Variants in DYRK1A observed in about 807,000 individuals in gnomAD.
The protein encoded by DYRK1A is dual specificity tyrosine phosphorylation regulated kinase 1A.
Under a neutral mutation model 79.7 loss-of-function variants are expected in DYRK1A, and 9 were observed. The ratio of observed to expected loss-of-function variants is 0.11; its 90% CI spans 0.07 to 0.20. The LOEUF (loss-of-function observed/expected upper bound fraction) is 0.20. Ranked by LOEUF, DYRK1A falls within the 10% of genes least tolerant of loss-of-function variation. The pLI, the probability that DYRK1A is intolerant of heterozygous loss-of-function variation, is 1.00. For synonymous variants in DYRK1A, 349 were observed against 329.7 expected (o/e 1.06, Z -0.63); for missense variants, 622 against 956.0 (o/e 0.65, Z 4.61).
chr21:37,367,921 G>A (rs891733935), intron 1 of DYRK1A: 15 of 156,328 alleles, frequency 9.6e-5, no homozygotes, highest in Non-Finnish European at 1.8e-4. Context: ...CTGGCCGCCC[G>A]AGCGAAGGGG....
rs907497365 is a variant in DYRK1A at position 37,521,357 on chromosome 21, T to G, written c.*8826T>G. The G allele has an allele frequency of 3.4e-4, 51 of 152,234 alleles. No individual in the cohort carries two copies. Among genetic ancestry groups the G allele is most frequent in the Non-Finnish European group, 2.9e-5 (2 of 68,052 alleles). The allele number at this position is 152,234 out of a possible 1,614,324, so 9.4% of individuals were successfully genotyped here. A position where few individuals can be genotyped will look rare whatever the true frequency, so the allele number is the denominator to read the frequency against. Reference sequence around the variant, plus strand: ...ATCAGTACTAACCCTGGAAACAATTTAAAAATGAACAAAAAGTCCTACCCT... The same window carrying G: ...ATCAGTACTAACCCTGGAAACAATTGAAAAATGAACAAAAAGTCCTACCCT... On this transcript the variant is annotated 3_prime_UTR_variant, in exon 12 of 12. Transcript: ENST00000647188.
At chr21:37,478,497 AT>A (rs2052483712) in intron 4 of DYRK1A, among the ~76,000 whole-genome samples, 197 bp downstream of exon 4, 1 of 152,142 alleles carries the variant, frequency 6.6e-6, no homozygotes. Flanking sequence ...TATAAAGATA[AT>A]TGTGGATAAC....
Position 37,512,056 on chromosome 21 carries a change from C to T in DYRK1A, c.1790C>T (p.Ser597Phe). 6.2e-7 allele frequency: 1 copy of T among 1,613,922 alleles called. No homozygotes were observed. The change falls in exon 12 of 12, where the codon TCC becomes TTC. Residue 597 changes from serine to phenylalanine, a missense_variant. By Grantham distance (155) the Ser-to-Phe change is radical. Around this residue, in one of 5 missense-constraint regions of DYRK1A, gnomAD observed 292 missense variants for 316.7 expected, o/e 0.92. Transcript: ENST00000647188. ...TTGCATCATCACCATGGTAACAGTT[C>T]CCATCACCATCACCACCACCACCAC... is the stretch of plus-strand genomic sequence containing the variant. The part of the protein sequence containing the change: ...NALHHHHGNS[S>F]HHHHHHHHHH...
In DYRK1A at chr21:37,493,121, T is replaced by G. The variant is rs1601280401; in HGVS notation, c.1029T>G (p.Val343=). The G allele has an allele frequency of 1.2e-6, 2 of 1,613,668 alleles. No homozygotes were observed. Among genetic ancestry groups the G allele is most frequent in the Non-Finnish European group, 1.7e-6 (2 of 1,179,624 alleles). Residue 343 remains valine, a synonymous_variant, in exon 8 of 12, where the codon GTT becomes GTG. Coordinates refer to ENST00000647188, the MANE Select transcript of DYRK1A (RefSeq NM_001347721.2). ...TGTGGTCCCTCGGGTGTATTTTGGT[T>G]GAAATGCACACTGGAGAACCTCTGT... ...IDMWSLGCIL[V]EMHTGEPLFS...
At chr21:37,482,585 A>G (rs186975093) in intron 5 of DYRK1A, among the ~76,000 whole-genome samples, 3 of 152,324 alleles carry the variant, frequency 2.0e-5, no homozygotes, top group African/African-American at 4.8e-5. Context: ...AAAATTGCTA[A>G]TGAAGTTTTG....
chr21:37,484,535 G>A (rs1284364584), intron 5 of DYRK1A, among the ~76,000 whole-genome samples: 1 of 152,008 alleles, frequency 6.6e-6, no homozygotes, highest in African/African-American at 2.4e-5. Flanking sequence ...CACCACGTTG[G>A]TCAGGCTGGT....
intron 2 of DYRK1A, among the ~76,000 whole-genome samples, chr21:37,434,709 A>AT (rs2050874603): frequency 6.6e-6 from 1 of 152,174 alleles, no homozygotes; most frequent in African/African-American, 2.4e-5. Context: ...TTTTAAAATT[A>AT]TTTTTGAAGC....
chr21:37,486,663 T>C, intron 6 of DYRK1A, 49 bp downstream of exon 6: 1 of 1,374,690 alleles, frequency 7.3e-7, no homozygotes, highest in Non-Finnish European at 9.5e-7. Flanking sequence ...ACACCAAAAC[T>C]TTGAGTTAAT....
At chr21:37,505,227 G>A (rs1389429498) in intron 9 of DYRK1A, 56 bp from the exon 10 acceptor site, 3 of 1,337,310 alleles carry the variant, frequency 2.2e-6, no homozygotes, top group Non-Finnish European at 3.1e-6. Flanking sequence ...TCAATTATGT[G>A]AGTGTTTACG....
chr21:37,435,988 G>A (rs1006867276), intron 2 of DYRK1A, among the ~76,000 whole-genome samples: 1 of 143,886 alleles, frequency 6.9e-6, no homozygotes, highest in Admixed American at 6.9e-5. Flanking sequence ...GGTAGGTTCT[G>A]CAGAAAAAAA....
intron 1 of DYRK1A, among the ~76,000 whole-genome samples, chr21:37,369,423 T>A (rs1237192257): frequency 6.6e-6 from 1 of 152,244 alleles, no homozygotes; most frequent in African/African-American, 2.4e-5. Context: ...AGTCAAGATT[T>A]TTTACGCATA....
At chr21:37,394,212 TTTTTTTTTAAACCC>T (rs992985857) in intron 1 of DYRK1A, among the ~76,000 whole-genome samples, 4 of 140,696 alleles carry the variant, frequency 2.8e-5, no homozygotes, top group African/African-American at 1.0e-4. Flanking sequence ...GGTGTATTTC[TTTTTTTTTAAACCC>T]TTTTTTTTTT....
At position 37,522,149 on chromosome 21, in the gene DYRK1A, A is replaced by G. The variant is rs2053939286; in HGVS notation, c.*9618A>G. The stretch of plus-strand genomic sequence containing the variant: ...GGATGGTTTTTAGATCTATCAAGGG[A>G]TAGAAGATTGTCCAGCCCCTTGCTG... On this transcript the variant is annotated 3_prime_UTR_variant, in exon 12 of 12. Transcript: ENST00000647188. 6.6e-6 allele frequency: 1 copy of G among 152,134 alleles called. No homozygotes were observed. The highest frequency in any genetic ancestry group is 1.5e-5 in the Non-Finnish European group (1 of 68,032). The allele number at this position is 152,134 out of a possible 1,614,324, so 9.4% of individuals were successfully genotyped here.
In DYRK1A at chr21:37,516,908, CT is replaced by C. The variant is rs2053886483; in HGVS notation, c.*4378del. ...GCTGATTTGAAACACAACTAGAATG[CT>C]ACAGGTCTCTCTTCCAGTATGCAGC... On this transcript the variant is annotated 3_prime_UTR_variant, in exon 12 of 12. Transcript: ENST00000647188. 1 of 152,186 alleles carries C rather than the reference CT, an allele frequency of 6.6e-6. No individual in the cohort carries two copies. The highest frequency in any genetic ancestry group is 2.4e-5 in the African/African-American group (1 of 41,442). 9.4% of individuals were successfully genotyped at this position (152,186 alleles called of 1,614,324 possible).
rs1225684744 is a variant in DYRK1A at position 37,438,573 on chromosome 21, C to G, written c.10+18189C>G. On this transcript the variant is annotated intron_variant, in intron 2 of 11. Coordinates refer to ENST00000647188, the MANE Select transcript of DYRK1A (RefSeq NM_001347721.2). Reference sequence around the variant, plus strand: ...ATTCATTTATTGTAGAACCATTTGTCAAAAGGACTGTCCTTTCTCCACTGA... The same window carrying G: ...ATTCATTTATTGTAGAACCATTTGTGAAAAGGACTGTCCTTTCTCCACTGA... Among the ~76,000 whole-genome samples, 3 of 152,256 alleles carry G rather than the reference C, an allele frequency of 2.0e-5. No individual in the cohort carries two copies. In the East Asian group the frequency reaches 5.8e-4, roughly 29 times the overall value.
chr21:37,375,458 A>G (rs2049518099), intron 1 of DYRK1A, among the ~76,000 whole-genome samples: 1 of 151,616 alleles, frequency 6.6e-6, no homozygotes, highest in South Asian at 2.1e-4. Flanking sequence ...TTAGATTAAG[A>G]TAAAATCTGG....
chr21:37,489,292 G>A (rs2052990542), intron 6 of DYRK1A, among the ~76,000 whole-genome samples: 1 of 152,044 alleles, frequency 6.6e-6, no homozygotes, highest in Admixed American at 6.6e-5. Context: ...TGCTCAGTTT[G>A]GTATATATAA....
intron 1 of DYRK1A, among the ~76,000 whole-genome samples, chr21:37,369,121 T>C (rs1274373457): frequency 6.6e-6 from 1 of 152,246 alleles, no homozygotes; most frequent in Middle Eastern, 3.2e-3. Context: ...TTTTTAGTTA[T>C]TCTTTGAATG....
chr21:37,478,545 TTC>T (rs1434817129), intron 4 of DYRK1A, among the ~76,000 whole-genome samples: 7 of 152,098 alleles, frequency 4.6e-5, no homozygotes, highest in African/African-American at 7.2e-5. Context: ...ATACTGTTAT[TTC>T]TTTTTTTAAT....
Sources: allele counts gnomAD v4.1 joint callset (sites outside exome capture counted in the v4.1 genomes callset), GRCh38; gene constraint gnomAD v4.1.1; regional missense constraint gnomAD v4.1.1; transcripts MANE v1.5; gene names NCBI Gene and HGNC (gene_info 2026-07-23, HGNC 2026-07-21).